The following CHEK1 variants were observed in gnomAD, a reference collection of about 807,000 sequenced individuals.
The protein encoded by CHEK1 is serine/threonine-protein kinase Chk1.
In CHEK1, 32 loss-of-function variants were observed where a neutral mutation model predicts 60.2. That is an observed-to-expected ratio of 0.53 (90% confidence interval 0.40 to 0.71). The LOEUF is 0.71. Ranked by LOEUF, CHEK1 falls within the 30% of genes least tolerant of loss-of-function variation. CHEK1 has a pLI of 0.00. For synonymous variants in CHEK1, 179 were observed against 187.2 expected (o/e 0.96, Z 0.36); for missense variants, 399 against 564.6 (o/e 0.71, Z 2.97).
At position 125,653,961 on chromosome 11, in the gene CHEK1, G is replaced by A. The variant is rs1214984254; in HGVS notation, c.1335+114G>A. 5 of 565,972 alleles carry A rather than the reference G, an allele frequency of 8.8e-6. No homozygotes were observed. Among genetic ancestry groups the A allele is most frequent in the Middle Eastern group, 4.8e-4 (1 of 2,102 alleles). The allele number at this position is 565,972 out of a possible 1,614,324, so 35.1% of individuals were successfully genotyped here. On this transcript the variant is annotated intron_variant, in intron 12 of 12. Transcript: ENST00000438015. This position sits in a 1 kb window ranked among gnomAD's most constrained non-coding sequence, Gnocchi z 4.3. ...TGTAAATAGGTTACTTGCTTTTTTCGTTTAATATTATGAGCATGTGTTTTC... is the reference window on the plus strand; with the variant it reads ...TGTAAATAGGTTACTTGCTTTTTTCATTTAATATTATGAGCATGTGTTTTC...
chr11:125,677,822 A>G, downstream of CHEK1: 1 of 1,614,132 alleles, frequency 6.2e-7, no homozygotes, highest in Non-Finnish European at 8.5e-7. Context: ...AAATTGGTGC[A>G]CCTGAAGCCT....
chr11:125,668,324 A>G (rs1028001090), intron 13 of CHEK1, among the ~76,000 whole-genome samples: 1 of 152,262 alleles, frequency 6.6e-6, no homozygotes, highest in Middle Eastern at 3.4e-3. Context: ...CAGACCAGCT[A>G]TTTTGTATAA....
intron 13 of CHEK1, among the ~76,000 whole-genome samples, chr11:125,667,846 C>G (rs1461018157): frequency 6.6e-6 from 1 of 152,146 alleles, no homozygotes; most frequent in Admixed American, 6.5e-5. Flanking sequence ...GTCTCGATCT[C>G]CTGACCTCAA....
intron 3 of CHEK1, 32 bp downstream of exon 3, chr11:125,627,862 A>G: frequency 6.8e-7 from 1 of 1,469,436 alleles, no homozygotes; most frequent in African/African-American, 1.4e-5. Flanking sequence ...ATTATTTTAA[A>G]CAAGTTTTTA....
chr11:125,644,807 G>A (rs570329728), intron 11 of CHEK1, among the ~76,000 whole-genome samples, 164 bp downstream of exon 11: 7 of 152,146 alleles, frequency 4.6e-5, no homozygotes, highest in East Asian at 1.9e-4. Flanking sequence ...TCAGGGGTTC[G>A]AGACCAGCCT....
At chr11:125,665,404 G>A (rs1942081739) in intron 13 of CHEK1, among the ~76,000 whole-genome samples, 1 of 151,774 alleles carries the variant, frequency 6.6e-6, no homozygotes, top group South Asian at 2.1e-4. Context: ...GACGGTTTTT[G>A]CATCTATATT....
downstream of CHEK1, chr11:125,676,367 ATCT>A (rs1942506707): frequency 1.2e-6 from 2 of 1,614,128 alleles, no homozygotes; most frequent in Non-Finnish European, 1.7e-6. Flanking sequence ...ACCTTCAAAG[ATCT>A]TCTTTAACAT....
At chr11:125,640,430 A>C (rs1317537687) in intron 8 of CHEK1, among the ~76,000 whole-genome samples, 2 of 150,314 alleles carry the variant, frequency 1.3e-5, no homozygotes, top group Non-Finnish European at 3.0e-5. Context: ...AGTCCCAGCT[A>C]CTCGGGAGGC....
intron 13 of CHEK1, among the ~76,000 whole-genome samples, chr11:125,673,392 G>A (rs1179633532): frequency 5.3e-5 from 8 of 151,744 alleles, no homozygotes; most frequent in Non-Finnish European, 8.8e-5. Context: ...TATTAGAGAC[G>A]GGGTTTCACC....
chr11:125,627,586 TAAA>T lies in CHEK1; in HGVS notation c.66-19_66-17del. Reference sequence around the variant, plus strand: ...TAGAAGAAATGGAATTCTGTAATGTTAAAACTCTTTTCCTTTTTAGAGTTCAAC... The same window carrying T: ...TAGAAGAAATGGAATTCTGTAATGTTACTCTTTTCCTTTTTAGAGTTCAAC... On this transcript the variant is annotated intron_variant, in intron 2 of 12. Transcript: ENST00000438015. 1.9e-6 allele frequency: 3 copies of T among 1,583,720 alleles called. No homozygotes were observed. The highest frequency in any genetic ancestry group is 2.6e-6 in the Non-Finnish European group (3 of 1,163,444).
chr11:125,628,336 T>A (rs1326182267), intron 3 of CHEK1, among the ~76,000 whole-genome samples: 1 of 152,206 alleles, frequency 6.6e-6, no homozygotes, highest in Non-Finnish European at 1.5e-5. Context: ...CGATGTAGAA[T>A]CAAAGGATTG....
At chr11:125,644,339 T>G (rs948076930) in intron 10 of CHEK1, 71 bp downstream of exon 10, 2 of 1,496,736 alleles carry the variant, frequency 1.3e-6, no homozygotes, top group South Asian at 2.6e-5. Flanking sequence ...CCTTTTTTAA[T>G]GTGTAAATCT....
At chr11:125,672,895 C>A (rs565435) in intron 13 of CHEK1, among the ~76,000 whole-genome samples, 4 of 151,966 alleles carry the variant, frequency 2.6e-5, no homozygotes, top group Non-Finnish European at 4.4e-5. Context: ...TTGCCCACTC[C>A]TTTCTTATAT....
At position 125,635,475 on chromosome 11, in the gene CHEK1, C is replaced by A. The variant is rs1445875437; in HGVS notation, c.660C>A (p.Asp220Glu). 3.1e-6 allele frequency: 5 copies of A among 1,606,778 alleles called. No homozygotes were observed. The highest frequency in any genetic ancestry group is 3.4e-6 in the Non-Finnish European group (4 of 1,177,082). Residue 220 changes from aspartate to glutamate, a missense_variant, in exon 7 of 13, where the codon GAC becomes GAA. Around this residue, in one of 2 missense-constraint regions of CHEK1, gnomAD observed 370 missense variants for 494.8 expected, o/e 0.75. Coordinates refer to ENST00000438015, the MANE Select transcript of CHEK1 (RefSeq NM_001114122.3). ...QPSDSCQEYS[D>E]WKEKKTYLNP... ...GTGACAGCTGTCAGGAGTATTCTGA[C>A]TGGAAAGAAAAAAAAACATACCTCA... is the stretch of plus-strand genomic sequence containing the variant.
At chr11:125,636,407 A>G (rs1317463924) in intron 7 of CHEK1, among the ~76,000 whole-genome samples, 2 of 152,160 alleles carry the variant, frequency 1.3e-5, no homozygotes, top group Non-Finnish European at 2.9e-5. Flanking sequence ...CAAAAGAGAT[A>G]TAAGTATCTG....
chr11:125,654,516 T>C (rs1941841787), intron 12 of CHEK1, among the ~76,000 whole-genome samples: 2 of 152,232 alleles, frequency 1.3e-5, no homozygotes, highest in Admixed American at 1.3e-4. Context: ...AATGAACCTT[T>C]ACCAGTTATA....
downstream of CHEK1, among the ~76,000 whole-genome samples, chr11:125,660,257 G>C (rs556354330): frequency 6.6e-6 from 1 of 152,244 alleles, no homozygotes; most frequent in Non-Finnish European, 1.5e-5. Flanking sequence ...ACAGGCTTCT[G>C]TATATCTCCA....
rs3731411 is a variant in CHEK1 at position 125,633,425 on chromosome 11, C to T, written c.613+74C>T. 2.4e-5 allele frequency: 30 copies of T among 1,257,076 alleles called. No individual in the cohort carries two copies. The African/African-American group carries it at 2.8e-4, about 12-fold the overall frequency. 77.9% of individuals were successfully genotyped at this position (1,257,076 alleles called of 1,614,324 possible). A position where few individuals can be genotyped will look rare whatever the true frequency, so the allele number is the denominator to read the frequency against. ...TTATACTGAAATAAATGAAATAAAC[C>T]AAGGAATTCATGTTTATATAATAGT... On this transcript the variant is annotated intron_variant, in intron 6 of 12. Transcript: ENST00000438015.
At chr11:125,677,874 G>A (rs1942593526), downstream of CHEK1, 10 of 1,613,956 alleles carry the variant, frequency 6.2e-6, no homozygotes, top group Non-Finnish European at 8.5e-6. Context: ...TTCACCCGAG[G>A]CCTGCTCACC....
Sources: allele counts gnomAD v4.1 joint callset (sites outside exome capture counted in the v4.1 genomes callset), GRCh38; gene constraint gnomAD v4.1.1; regional missense constraint gnomAD v4.1.1; non-coding constraint Gnocchi (gnomAD v3.1); transcripts MANE v1.5; gene names NCBI Gene and HGNC (gene_info 2026-07-23, HGNC 2026-07-21).